Variants in RGS20 observed in about 807,000 individuals in gnomAD.
RGS20 encodes gz-selective GTPase-activating protein.
RGS20 carries 30 observed loss-of-function variants against 33.6 expected under a neutral mutation model. That is an observed-to-expected ratio of 0.89 (90% CI 0.67 to 1.21). RGS20 has a LOEUF of 1.21. Ranked by LOEUF, RGS20 falls within the 50% of genes most tolerant of loss-of-function variation. The pLI is 0.00. For missense variants in RGS20, 472 were observed against 502.4 expected (o/e 0.94, Z 0.58); for synonymous variants, 208 against 197.9 (o/e 1.05, Z -0.43).
intron 1 of RGS20, among the ~76,000 whole-genome samples, chr8:53,872,500 A>G (rs1812100652): frequency 6.6e-6 from 1 of 152,180 alleles, no homozygotes; most frequent in South Asian, 2.1e-4. Flanking sequence ...AATCCCAAGC[A>G]TCTAGGACAG....
chr8:53,947,879 A>AGATGTAGTATATATATGCTATATATAT (rs1814563546), intron 4 of RGS20, among the ~76,000 whole-genome samples: 1 of 137,360 alleles, frequency 7.3e-6, no homozygotes, highest in Admixed American at 7.7e-5. Context: ...GCTATATATA[A>AGATGTAGTATATATATGCTATATATAT]GATGTAGTAT....
At position 53,954,316 on chromosome 8, in the gene RGS20, T is replaced by C; in HGVS notation, c.978+6T>C. 1 of 1,563,178 alleles carries C rather than the reference T, an allele frequency of 6.4e-7. No homozygotes were observed. Among genetic ancestry groups the C allele is most frequent in the Non-Finnish European group, 8.8e-7 (1 of 1,135,516 alleles). Reference sequence around the variant, plus strand: ...CTATACTTTCTCCTAAGGAGGTATGTGACCACGAGATGCCTTTTCCCAAGG... The same window carrying C: ...CTATACTTTCTCCTAAGGAGGTATGCGACCACGAGATGCCTTTTCCCAAGG... On this transcript the variant is annotated splice_donor_region_variant and intron_variant, in intron 5 of 5. Transcript: ENST00000297313.
intron 5 of RGS20, among the ~76,000 whole-genome samples, chr8:53,957,959 C>A (rs1477889678): frequency 6.6e-6 from 1 of 151,918 alleles, no homozygotes; most frequent in Non-Finnish European, 1.5e-5. Flanking sequence ...CCAACCAACA[C>A]GGAGAAACCC....
chr8:53,865,160 G>A (rs945117089), intron 1 of RGS20, among the ~76,000 whole-genome samples: 2 of 152,214 alleles, frequency 1.3e-5, no homozygotes, highest in Non-Finnish European at 2.9e-5. Flanking sequence ...ACTTTGGAGA[G>A]AACAATGTCT....
At chr8:53,917,713 G>A (rs1294792458) in intron 2 of RGS20, among the ~76,000 whole-genome samples, 1 of 152,150 alleles carries the variant, frequency 6.6e-6, no homozygotes. Context: ...AGACTGCAGT[G>A]AGCTACTATC....
At chr8:53,856,269 G>A in intron 1 of RGS20, among the ~76,000 whole-genome samples, 1 of 149,156 alleles carries the variant, frequency 6.7e-6, no homozygotes, top group East Asian at 2.0e-4. Context: ...AGGCTGGAGT[G>A]CAGTGGCGTG....
chr8:53,866,430 GC>G (rs1326924700), intron 1 of RGS20, among the ~76,000 whole-genome samples: 5 of 151,508 alleles, frequency 3.3e-5, no homozygotes, highest in Admixed American at 1.3e-4. Flanking sequence ...AGGCTAGAGT[GC>G]AGTGGCACAA....
At chr8:53,912,352 A>AT (rs58889086) in intron 2 of RGS20, among the ~76,000 whole-genome samples, 7,869 of 137,158 alleles carry the variant, frequency 0.057, 420 homozygotes, top group African/African-American at 0.15. Flanking sequence ...GTTAATCTTG[A>AT]TTTTTTTTTT....
chr8:53,922,052 C>A (rs1813663707), intron 2 of RGS20, among the ~76,000 whole-genome samples: 1 of 151,814 alleles, frequency 6.6e-6, no homozygotes, highest in African/African-American at 2.4e-5. Context: ...TATTCATATG[C>A]TTGTTGATCT....
chr8:53,884,986 ATC>A (rs1252843887), intron 2 of RGS20, among the ~76,000 whole-genome samples: 1 of 152,222 alleles, frequency 6.6e-6, no homozygotes, highest in Non-Finnish European at 1.5e-5. Context: ...AGTTTTAGAA[ATC>A]ATTTTTGAGC....
At chr8:53,869,890 G>T (rs1224888456) in intron 1 of RGS20, among the ~76,000 whole-genome samples, 1 of 152,048 alleles carries the variant, frequency 6.6e-6, no homozygotes, top group Non-Finnish European at 1.5e-5. Flanking sequence ...GGTTCATAGT[G>T]GGACTGAGTG....
chr8:53,904,965 CTTA>C (rs1253853138), intron 2 of RGS20, among the ~76,000 whole-genome samples: 2 of 152,158 alleles, frequency 1.3e-5, no homozygotes, highest in Non-Finnish European at 2.9e-5. Context: ...GAAAGACACT[CTTA>C]TTATAGTCTT....
intron 1 of RGS20, among the ~76,000 whole-genome samples, chr8:53,856,563 A>G (rs1245362906): frequency 3.9e-5 from 6 of 152,084 alleles, no homozygotes; most frequent in African/African-American, 9.7e-5. Context: ...GTTTCCTTTC[A>G]GGGCAAGAAT....
intron 2 of RGS20, 81 bp from the exon 1 acceptor site, chr8:53,880,791 G>C: frequency 7.9e-7 from 1 of 1,271,076 alleles, no homozygotes; most frequent in Non-Finnish European, 1.0e-6. Context: ...ACCCGCGGCG[G>C]TGGAGTGCGC....
Position 53,958,493 on chromosome 8 carries a change from TAAA to T in RGS20, c.*37_*39del. ...AATATATTTATTATTAATAAAATAATAAAAGAATTCATGGGCTACAACTAGCAC... is the reference window on the plus strand; with the variant it reads ...AATATATTTATTATTAATAAAATAATAGAATTCATGGGCTACAACTAGCAC... On this transcript the variant is annotated 3_prime_UTR_variant, in exon 6 of 6. Transcript: ENST00000297313. The T allele has an allele frequency of 8.3e-7, 1 of 1,209,294 alleles. No individual in the cohort carries two copies. The highest frequency in any genetic ancestry group is 1.1e-6 in the Non-Finnish European group (1 of 924,252). The allele number at this position is 1,209,294 out of a possible 1,614,324, so 74.9% of individuals were successfully genotyped here.
intron 1 of RGS20, among the ~76,000 whole-genome samples, chr8:53,870,014 G>A (rs962452134): frequency 6.6e-6 from 1 of 152,140 alleles, no homozygotes; most frequent in African/African-American, 2.4e-5. Context: ...TTGGGCAGAT[G>A]GGGGAGTAGG....
chr8:53,879,410 C>T lies in RGS20; in HGVS notation c.318C>T (p.Pro106=), dbSNP rs566628228. 7.5e-6 allele frequency: 12 copies of T among 1,609,710 alleles called. No individual in the cohort carries two copies. In the East Asian group the frequency reaches 1.6e-4, roughly 21 times the overall value. ...CCCGGAGGCGCCTGGACTTCTCCCC[C>T]CTGCTTCCCGCCCTGCCGGCCGCCC... is the stretch of plus-strand genomic sequence containing the variant. The change falls in exon 2 of 6, where the codon CCC becomes CCT. Residue 106 remains proline, a synonymous_variant. Coordinates refer to ENST00000297313, the MANE Select transcript of RGS20 (RefSeq NM_170587.4).
intron 2 of RGS20, among the ~76,000 whole-genome samples, chr8:53,910,590 A>T (rs1353698851): frequency 6.6e-6 from 1 of 152,188 alleles, no homozygotes; most frequent in African/African-American, 2.4e-5. Context: ...GTGAGTATTT[A>T]CCCAAGAAAA....
chr8:53,946,494 T>C (rs1430980524), intron 3 of RGS20, 171 bp from the exon 3 acceptor site: 3 of 716,704 alleles, frequency 4.2e-6, no homozygotes, highest in Non-Finnish European at 7.6e-6. Flanking sequence ...AGTACCTTAT[T>C]GTCACACTTT....
Sources: allele counts gnomAD v4.1 joint callset (sites outside exome capture counted in the v4.1 genomes callset), GRCh38; gene constraint gnomAD v4.1.1; transcripts MANE v1.5; gene names NCBI Gene and HGNC (gene_info 2026-07-23, HGNC 2026-07-21).